The following BAZ2B variants were observed in gnomAD, a reference collection of about 807,000 sequenced individuals.
BAZ2B encodes bromodomain adjacent to zinc finger domain 2B.
A neutral mutation model predicts 246.0 loss-of-function variants in BAZ2B; 91 were observed. The observed-to-expected ratio is 0.37, with a 90% confidence interval of 0.31 to 0.44. The LOEUF (loss-of-function observed/expected upper bound fraction) is 0.44. Ranked by LOEUF, BAZ2B falls within the 20% of genes least tolerant of loss-of-function variation. BAZ2B has a pLI of 1.00. For synonymous variants in BAZ2B, 855 were observed against 860.0 expected (o/e 0.99, Z 0.10); for missense variants, 2,332 against 2,533.7 (o/e 0.92, Z 1.71).
At chr2:159,467,072 A>AG (rs767464627) in intron 3 of BAZ2B, among the ~76,000 whole-genome samples, 2 of 152,168 alleles carry the variant, frequency 1.3e-5, no homozygotes, top group East Asian at 1.9e-4. Flanking sequence ...TTCCAGACAG[A>AG]GGGACAGCGT....
At chr2:159,345,357 T>C (rs2067606126) in intron 31 of BAZ2B, among the ~76,000 whole-genome samples, 3 of 151,860 alleles carry the variant, frequency 2.0e-5, no homozygotes, top group Admixed American at 2.0e-4. Context: ...AAAAAAATGG[T>C]AAATGTTTGA....
chr2:159,495,800 C>T (rs1162826555), intron 2 of BAZ2B, among the ~76,000 whole-genome samples: 3 of 149,572 alleles, frequency 2.0e-5, no homozygotes, highest in South Asian at 2.1e-4. Context: ...GACAGAGTCT[C>T]GCTCTGTTGC....
At chr2:159,557,245 C>T (rs564907129) in intron 1 of BAZ2B, among the ~76,000 whole-genome samples, 7 of 135,180 alleles carry the variant, frequency 5.2e-5, no homozygotes, top group East Asian at 2.2e-4. Context: ...TTTTGAGATA[C>T]GGGGTCTCAC....
At chr2:159,450,745 T>C (rs1163262865) in intron 4 of BAZ2B, among the ~76,000 whole-genome samples, 4 of 151,418 alleles carry the variant, frequency 2.6e-5, no homozygotes, top group African/African-American at 2.4e-5. Flanking sequence ...TTAACTCTTT[T>C]TTTTTTTTTT....
At chr2:159,679,922 A>T in the BAZ2B span, among the ~76,000 whole-genome samples, 8 of 152,254 alleles carry the variant, frequency 5.3e-5, no homozygotes, top group Non-Finnish European at 1.2e-4. Flanking sequence ...AGTTCTAGGC[A>T]GTAATTACTA....
chr2:159,660,278 T>C, the BAZ2B span, among the ~76,000 whole-genome samples: 1 of 152,218 alleles, frequency 6.6e-6, no homozygotes, highest in African/African-American at 2.4e-5. Context: ...AACCATCTTG[T>C]ACCATGAATC....
the BAZ2B span, among the ~76,000 whole-genome samples, chr2:159,698,964 C>T: frequency 3.9e-5 from 6 of 152,134 alleles, no homozygotes; most frequent in African/African-American, 7.2e-5. Flanking sequence ...CTTCTTTAAG[C>T]AATTTAAAAC....
intron 20 of BAZ2B, among the ~76,000 whole-genome samples, chr2:159,393,300 T>C (rs956330687): frequency 2.6e-5 from 4 of 152,176 alleles, no homozygotes; most frequent in Non-Finnish European, 4.4e-5. Context: ...TTGGCTGCTC[T>C]GTAGAGAATG....
intron 34 of BAZ2B, among the ~76,000 whole-genome samples, chr2:159,329,180 C>T (rs1003069124): frequency 6.6e-6 from 1 of 150,978 alleles, no homozygotes; most frequent in Non-Finnish European, 1.5e-5. Context: ...AAATCCAACC[C>T]CCTCATAACA....
At chr2:159,670,250 C>A in the BAZ2B span, among the ~76,000 whole-genome samples, 1 of 152,168 alleles carries the variant, frequency 6.6e-6, no homozygotes, top group African/African-American at 2.4e-5. Context: ...GAATTACAGG[C>A]GTGAGCTACC....
At chr2:159,480,957 T>C (rs2079159058) in intron 2 of BAZ2B, among the ~76,000 whole-genome samples, 1 of 152,114 alleles carries the variant, frequency 6.6e-6, no homozygotes, top group Non-Finnish European at 1.5e-5. Context: ...TGTAAAGTAC[T>C]AATTCTCTCA....
At chr2:159,592,677 G>T (rs917581113) in intron 1 of BAZ2B, among the ~76,000 whole-genome samples, 16 of 152,164 alleles carry the variant, frequency 1.1e-4, no homozygotes, top group African/African-American at 3.9e-4. Context: ...ACAGAACAGG[G>T]ACAAGGAAAA....
At chr2:159,669,456 C>G in the BAZ2B span, among the ~76,000 whole-genome samples, 1 of 151,832 alleles carries the variant, frequency 6.6e-6, no homozygotes, top group Admixed American at 6.6e-5. Context: ...TAGATCAAAT[C>G]GGTTCAAATC....
At chr2:159,359,695 G>A (rs112093102) in intron 27 of BAZ2B, among the ~76,000 whole-genome samples, 4 of 152,158 alleles carry the variant, frequency 2.6e-5, no homozygotes, top group African/African-American at 4.8e-5. Flanking sequence ...ACATCGATGC[G>A]AAAATTCTCA....
intron 14 of BAZ2B, among the ~76,000 whole-genome samples, chr2:159,409,194 C>T (rs2066437418): frequency 6.6e-6 from 1 of 152,078 alleles, no homozygotes; most frequent in Middle Eastern, 3.2e-3. Context: ...GGATATAACT[C>T]ATTTCTTTGA....
chr2:159,597,272 A>G (rs1193050367), intron 1 of BAZ2B, among the ~76,000 whole-genome samples: 1 of 152,224 alleles, frequency 6.6e-6, no homozygotes, highest in Non-Finnish European at 1.5e-5. Context: ...AGTATTTAAA[A>G]TGTTCGAAAC....
chr2:159,526,854 G>GT (rs1302141708), intron 2 of BAZ2B, among the ~76,000 whole-genome samples: 3 of 151,712 alleles, frequency 2.0e-5, no homozygotes, highest in Admixed American at 6.6e-5. Flanking sequence ...ATAGTTTTTT[G>GT]TTTTTTTGCT....
intron 20 of BAZ2B, among the ~76,000 whole-genome samples, chr2:159,391,046 C>G (rs2063272269): frequency 6.6e-6 from 1 of 152,080 alleles, no homozygotes; most frequent in South Asian, 2.1e-4. Flanking sequence ...GGTAGAATAA[C>G]TTTTTTCCCC....
intron 3 of BAZ2B, among the ~76,000 whole-genome samples, chr2:159,472,862 T>G (rs527977859): frequency 6.6e-6 from 1 of 152,352 alleles, no homozygotes; most frequent in African/African-American, 2.4e-5. Flanking sequence ...ATAAGCTTTT[T>G]GATGTGCTGC....
Sources: allele counts gnomAD v4.1 joint callset (sites outside exome capture counted in the v4.1 genomes callset), GRCh38; gene constraint gnomAD v4.1.1; transcripts MANE v1.5; gene names NCBI Gene and HGNC (gene_info 2026-07-23, HGNC 2026-07-21).